The following NTNG1 variants were observed in gnomAD, a reference collection of about 807,000 sequenced individuals.
The protein encoded by NTNG1 is netrin-G1.
Under a neutral mutation model 54.0 loss-of-function variants are expected in NTNG1, and 16 were observed. The observed-to-expected ratio is 0.30, with a 90% CI of 0.20 to 0.45. The LOEUF (loss-of-function observed/expected upper bound fraction) is 0.45, where lower values mean the gene tolerates loss of function less well. Among genes scored for constraint, NTNG1 ranks in the 20% least tolerant of loss-of-function variants. NTNG1 has a pLI of 1.00. For missense variants in NTNG1, 530 were observed against 678.7 expected, an observed-to-expected ratio of 0.78 and a Z score of 2.43; for synonymous variants, 255 against 263.1, an observed-to-expected ratio of 0.97 and a Z score of 0.30.
chr1:107,150,206 CCCGTCT>C (rs1247121822), intron 2 of NTNG1, among the ~76,000 whole-genome samples: 1 of 152,138 alleles, frequency 6.6e-6, no homozygotes, highest in African/African-American at 2.4e-5. Flanking sequence ...AAAGAGAGGA[CCCGTCT>C]CTATGGGAAC....
At chr1:107,205,462 CT>C (rs1460600563) in intron 2 of NTNG1, among the ~76,000 whole-genome samples, 1 of 152,090 alleles carries the variant, frequency 6.6e-6, no homozygotes, top group Non-Finnish European at 1.5e-5. Flanking sequence ...TTAGTTATGG[CT>C]TTTTTATTTT....
At chr1:107,383,022 A>G (rs1326274895) in intron 3 of NTNG1, among the ~76,000 whole-genome samples, 3 of 152,246 alleles carry the variant, frequency 2.0e-5, no homozygotes, top group African/African-American at 7.2e-5. Flanking sequence ...AGTAAAAACT[A>G]AAAGTATGGA....
chr1:107,152,218 A>T (rs1654631111), intron 2 of NTNG1, among the ~76,000 whole-genome samples: 1 of 152,108 alleles, frequency 6.6e-6, no homozygotes, highest in Admixed American at 6.6e-5. Context: ...TCTGAAGGGA[A>T]GGTGGGGGTT....
In NTNG1 at chr1:107,148,637, C is replaced by A; in HGVS notation, c.44C>A (p.Thr15Lys). Residue 15 changes from threonine to lysine, a missense_variant, in exon 2 of 8, where the codon ACG becomes AAG. Physicochemically the swap from Thr to Lys is moderately conservative, Grantham distance 78. This residue lies in a region of NTNG1 where 318 missense variants were observed against 465.1 expected (regional missense o/e 0.68). Coordinates refer to ENST00000370068, the MANE Select transcript of NTNG1 (RefSeq NM_001113226.3). The part of the protein sequence containing the change: ...RFLSIHALWV[T>K]VSSVMQPYPL... ...CTGTCGATTCATGCCCTTTGGGTTA[C>A]GGTGTCCTCAGTGATGCAGCCCTAC... The A allele has an allele frequency of 6.2e-7, 1 of 1,612,810 alleles. No individual in the cohort carries two copies. The highest frequency in any genetic ancestry group is 8.5e-7 in the Non-Finnish European group (1 of 1,178,910).
At chr1:107,151,509 T>G (rs1287116078) in intron 2 of NTNG1, among the ~76,000 whole-genome samples, 2 of 152,180 alleles carry the variant, frequency 1.3e-5, no homozygotes, top group Non-Finnish European at 2.9e-5. Flanking sequence ...AGCCACTGCT[T>G]AGCCCCTATA....
intron 3 of NTNG1, among the ~76,000 whole-genome samples, chr1:107,376,298 C>G (rs1172192708): frequency 6.6e-6 from 1 of 152,048 alleles, no homozygotes; most frequent in African/African-American, 2.4e-5. Flanking sequence ...GTCCCAGCTA[C>G]TCGGGAGGCT....
At chr1:107,422,012 C>T (rs17530951) in intron 5 of NTNG1, among the ~76,000 whole-genome samples, 65,508 of 151,804 alleles carry the variant, frequency 0.43, 15,198 homozygotes, top group Non-Finnish European at 0.52. Flanking sequence ...TTAGTCATTT[C>T]CTAGATTTTA....
chr1:107,444,362 G>T (rs551582107), intron 7 of NTNG1, among the ~76,000 whole-genome samples: 2 of 152,250 alleles, frequency 1.3e-5, no homozygotes, highest in South Asian at 4.1e-4. Flanking sequence ...AACCACAAAA[G>T]GGATACACTG....
intron 2 of NTNG1, among the ~76,000 whole-genome samples, chr1:107,168,399 T>C (rs373825205): frequency 9.9e-5 from 15 of 152,244 alleles, no homozygotes; most frequent in African/African-American, 3.6e-4. Flanking sequence ...TTTTCTGATA[T>C]ATAAATCTTA....
At chr1:107,358,073 A>T (rs1012123196) in intron 3 of NTNG1, among the ~76,000 whole-genome samples, 1 of 152,162 alleles carries the variant, frequency 6.6e-6, no homozygotes, top group Non-Finnish European at 1.5e-5. Context: ...ATTAAAAATG[A>T]GCTTTTATTG....
In NTNG1 at chr1:107,476,876, T is replaced by C. The variant is rs565782831; in HGVS notation, c.1391-3735T>C. On this transcript the variant is annotated intron_variant, in intron 7 of 7. Transcript: ENST00000370068. ...GCATCCATCATTCCAGCCATAGCAG[T>C]CCATGCATCATTCACTAATGTGTCT... Among the ~76,000 whole-genome samples, 13 of 152,360 alleles carry C rather than the reference T, an allele frequency of 8.5e-5. No homozygotes were observed. The South Asian group carries it at 2.7e-3, about 32-fold the overall frequency.
intron 3 of NTNG1, among the ~76,000 whole-genome samples, chr1:107,366,556 A>T (rs1197035868): frequency 6.6e-6 from 1 of 152,220 alleles, no homozygotes; most frequent in East Asian, 1.9e-4. Flanking sequence ...ATAGCTCTGT[A>T]GACAAAAACT....
chr1:107,387,456 A>T (rs1040536072), intron 3 of NTNG1, among the ~76,000 whole-genome samples: 1 of 152,232 alleles, frequency 6.6e-6, no homozygotes, highest in African/African-American at 2.4e-5. Flanking sequence ...AATCTTGTTA[A>T]CGTTGCAGAT....
chr1:107,326,234 C>A (rs1440458496), intron 3 of NTNG1, among the ~76,000 whole-genome samples: 1 of 151,950 alleles, frequency 6.6e-6, no homozygotes, highest in South Asian at 2.1e-4. Flanking sequence ...ATGGAAGAAT[C>A]AAAAGCCTTT....
chr1:107,458,902 A>G lies in NTNG1; in HGVS notation c.1391-21709A>G, dbSNP rs983286542. Reference sequence around the variant, plus strand: ...AAATTGGAAACATTGTTTTCTTGTAAGGAATATAACTTAATGTTTGCCTTG... The same window carrying G: ...AAATTGGAAACATTGTTTTCTTGTAGGGAATATAACTTAATGTTTGCCTTG... On this transcript the variant is annotated intron_variant, in intron 7 of 7. Transcript: ENST00000370068. 1.7e-4 allele frequency among the ~76,000 whole-genome samples: 26 copies of G among 152,302 alleles called. No individual in the cohort carries two copies. The South Asian group carries it at 5.0e-3, about 29-fold the overall frequency.
intron 3 of NTNG1, among the ~76,000 whole-genome samples, chr1:107,375,469 T>G (rs1194635530): frequency 1.3e-5 from 2 of 152,220 alleles, no homozygotes; most frequent in African/African-American, 4.8e-5. Context: ...TGGTTGTAAG[T>G]AGAAGTTCTT....
intron 2 of NTNG1, among the ~76,000 whole-genome samples, chr1:107,223,196 A>G (rs1370873635): frequency 2.0e-5 from 3 of 152,118 alleles, no homozygotes; most frequent in Non-Finnish European, 2.9e-5. Flanking sequence ...CCCTTATTAA[A>G]TGAGAATGGT....
chr1:107,345,594 C>A (rs116106782), intron 3 of NTNG1, among the ~76,000 whole-genome samples: 54 of 152,248 alleles, frequency 3.5e-4, no homozygotes, highest in Non-Finnish European at 6.2e-4. Flanking sequence ...TTCAGTCCAG[C>A]ACCATTGTTC....
At position 107,481,507 on chromosome 1, in the gene NTNG1, T is replaced by C. The variant is rs1300897436; in HGVS notation, c.*667T>C. The C allele has an allele frequency of 6.6e-6, 1 of 152,576 alleles. No individual in the cohort carries two copies. Among genetic ancestry groups the C allele is most frequent in the Non-Finnish European group, 1.5e-5 (1 of 68,032 alleles). 9.5% of individuals were successfully genotyped at this position (152,576 alleles called of 1,614,324 possible). ...CACACCCACTATACAAGAGTGGCTA[T>C]AGGAAAAAAGAAAGTGTATCTATCC... is the stretch of plus-strand genomic sequence containing the variant. On this transcript the variant is annotated 3_prime_UTR_variant, in exon 8 of 8. Coordinates refer to ENST00000370068, the MANE Select transcript of NTNG1 (RefSeq NM_001113226.3).
Sources: allele counts gnomAD v4.1 joint callset (sites outside exome capture counted in the v4.1 genomes callset), GRCh38; gene constraint gnomAD v4.1.1; regional missense constraint gnomAD v4.1.1; transcripts MANE v1.5; gene names NCBI Gene and HGNC (gene_info 2026-07-23, HGNC 2026-07-21).